SEMA3A: variants seen among roughly 807,000 people sequenced by gnomAD.
SEMA3A encodes semaphorin 3A, also known as semaphorin-3A.
A neutral mutation model predicts 97.9 loss-of-function variants in SEMA3A; 29 were observed. The observed-to-expected ratio is 0.30, with a 90% CI of 0.22 to 0.40. The LOEUF (loss-of-function observed/expected upper bound fraction) is 0.40, where lower values mean the gene tolerates loss of function less well. Among genes scored for constraint, SEMA3A ranks in the 10% least tolerant of loss-of-function variants. The probability of loss-of-function intolerance (pLI) is 1.00; values close to 1 mark genes in which losing one functional copy is unlikely to be tolerated. For synonymous variants in SEMA3A, 321 were observed against 323.7 expected (o/e 0.99, Z 0.09); for missense variants, 763 against 951.3 (o/e 0.80, Z 2.60).
intron 3 of SEMA3A, among the ~76,000 whole-genome samples, chr7:84,303,245 C>A (rs1348076648): frequency 6.6e-6 from 1 of 152,028 alleles, no homozygotes; most frequent in Non-Finnish European, 1.5e-5. Flanking sequence ...TGAGTCAAGG[C>A]CGTGAGGTAA....
chr7:84,151,907 G>A (rs1333659243), intron 1 of SEMA3A, among the ~76,000 whole-genome samples: 7 of 151,998 alleles, frequency 4.6e-5, no homozygotes, highest in African/African-American at 1.2e-4. Flanking sequence ...TTCTCAAAAG[G>A]AGACATTTAT....
chr7:84,103,583 G>A (rs1795019712), intron 4 of SEMA3A, among the ~76,000 whole-genome samples: 1 of 151,870 alleles, frequency 6.6e-6, no homozygotes, highest in Non-Finnish European at 1.5e-5. Flanking sequence ...TCTGATTTCA[G>A]GAAATTCAGT....
intron 1 of SEMA3A, among the ~76,000 whole-genome samples, chr7:84,429,517 TATATATA>T (rs1486361858): frequency 4.7e-5 from 1 of 21,118 alleles, no homozygotes; most frequent in Admixed American, 6.2e-4. Context: ...TAGAGTTTGT[TATATATA>T]TATATATATA....
intron 6 of SEMA3A, among the ~76,000 whole-genome samples, chr7:84,025,205 C>A (rs1045373869): frequency 3.3e-5 from 5 of 152,122 alleles, no homozygotes; most frequent in Non-Finnish European, 5.9e-5. Context: ...CTAAGATGAA[C>A]AAAGACTAAT....
intron 15 of SEMA3A, among the ~76,000 whole-genome samples, chr7:83,975,061 A>G (rs1789089881): frequency 6.6e-6 from 1 of 152,156 alleles, no homozygotes; most frequent in Admixed American, 6.5e-5. Context: ...ATAGTCTTTA[A>G]CTACTCTAAT....
intron 1 of SEMA3A, among the ~76,000 whole-genome samples, chr7:84,146,009 A>G (rs1796453199): frequency 6.6e-6 from 1 of 152,076 alleles, no homozygotes; most frequent in Non-Finnish European, 1.5e-5. Flanking sequence ...TCCTGCTTCT[A>G]GTTGATTTTC....
chr7:84,403,104 C>A lies in SEMA3A; in HGVS notation c.-245-31204G>T, dbSNP rs552245122. Among the ~76,000 whole-genome samples the A allele has an allele frequency of 5.3e-5, 8 of 152,186 alleles. No individual in the cohort carries two copies. In the East Asian group the frequency reaches 1.6e-3, roughly 30 times the overall value. On this transcript the variant is annotated intron_variant, in intron 1 of 3. Transcript: ENST00000424555. ...GAGCCAAAGCAGGATGAGGCATCGC[C>A]TCACCCGGGAAGCATGAGGGATCAG...
chr7:84,221,652 G>A (rs1798885006), intron 3 of SEMA3A, among the ~76,000 whole-genome samples: 1 of 151,998 alleles, frequency 6.6e-6, no homozygotes, highest in South Asian at 2.1e-4. Flanking sequence ...CTAGGAGAGG[G>A]TGAGAGATGA....
chr7:84,036,880 G>A (rs1328941788), intron 6 of SEMA3A, among the ~76,000 whole-genome samples: 1 of 151,866 alleles, frequency 6.6e-6, no homozygotes, highest in Non-Finnish European at 1.5e-5. Context: ...TTATAAAAAA[G>A]TCCTTAAGTA....
rs573438818 is a variant in SEMA3A, at chr7:83,985,338, G to T, written c.1494+98C>A. On this transcript the variant is annotated intron_variant, in intron 13 of 16. Transcript: ENST00000265362. Reference sequence around the variant, plus strand: ...TTTTCTCCTGTATTTTTGTATAATTGTTAACAAATCTGTGAAATTTGATAA... The same window carrying T: ...TTTTCTCCTGTATTTTTGTATAATTTTTAACAAATCTGTGAAATTTGATAA... 1.5e-4 allele frequency: 128 copies of T among 852,514 alleles called. No homozygotes were observed. In the African/African-American group the frequency reaches 2.1e-3, roughly 14 times the overall value. 52.8% of individuals were successfully genotyped at this position (852,514 alleles called of 1,614,324 possible).
intron 2 of SEMA3A, among the ~76,000 whole-genome samples, chr7:84,370,392 C>T (rs1802944854): frequency 6.6e-6 from 1 of 151,626 alleles, no homozygotes; most frequent in African/African-American, 2.4e-5. Flanking sequence ...TATATTTTAG[C>T]ATAAGTTTCC....
intron 12 of SEMA3A, among the ~76,000 whole-genome samples, chr7:83,985,828 T>A (rs186082823): frequency 6.6e-6 from 1 of 152,258 alleles, no homozygotes; most frequent in Admixed American, 6.5e-5. Flanking sequence ...GGGGGAGGGT[T>A]CAAAGAAGTA....
chr7:84,457,259 C>T (rs1805708327), intron 1 of SEMA3A, among the ~76,000 whole-genome samples: 1 of 151,722 alleles, frequency 6.6e-6, no homozygotes, highest in African/African-American at 2.4e-5. Context: ...TTCATATATA[C>T]CAATACATTC....
intron 1 of SEMA3A, among the ~76,000 whole-genome samples, chr7:84,165,626 C>T (rs920622028): frequency 1.3e-5 from 2 of 152,144 alleles, no homozygotes; most frequent in African/African-American, 4.8e-5. Flanking sequence ...GATCTCAGCT[C>T]ACTGCAACCT....
chr7:84,195,240 G>A (rs1283860025), upstream of SEMA3A: 1 of 152,100 alleles, frequency 6.6e-6, no homozygotes, highest in Non-Finnish European at 1.5e-5. Context: ...AGAGCCGGGA[G>A]CAGAACCCTC....
chr7:84,001,926 G>A (rs780297022), intron 12 of SEMA3A, 29 bp downstream of exon 12: 1 of 1,508,056 alleles, frequency 6.6e-7, no homozygotes, highest in South Asian at 1.1e-5. Context: ...AACTGAACTT[G>A]TTGACACTTG....
At chr7:84,045,956 A>G (rs1419571369) in intron 6 of SEMA3A, among the ~76,000 whole-genome samples, 2 of 126,332 alleles carry the variant, frequency 1.6e-5, no homozygotes, top group Admixed American at 8.9e-5. Flanking sequence ...CAAGGAAACA[A>G]TAAGAGATGT....
intron 1 of SEMA3A, among the ~76,000 whole-genome samples, chr7:84,146,208 G>A (rs1274726832): frequency 5.3e-5 from 8 of 152,094 alleles, no homozygotes; most frequent in African/African-American, 1.9e-4. Flanking sequence ...AGATGTAAAG[G>A]TTAGCACAAT....
chr7:83,967,332 C>T (rs1249148335), intron 15 of SEMA3A, among the ~76,000 whole-genome samples: 1 of 152,182 alleles, frequency 6.6e-6, no homozygotes, highest in Non-Finnish European at 1.5e-5. Context: ...AATCCATTAA[C>T]AATGTGTTCT....
Sources: allele counts gnomAD v4.1 joint callset (sites outside exome capture counted in the v4.1 genomes callset), GRCh38; gene constraint gnomAD v4.1.1; transcripts MANE v1.5; gene names NCBI Gene and HGNC (gene_info 2026-07-23, HGNC 2026-07-21).